Variants in ADARB2 observed in about 807,000 individuals in gnomAD.
ADARB2 encodes adenosine deaminase RNA specific B2 (inactive).
In ADARB2, 25 loss-of-function variants were observed where a neutral mutation model predicts 62.2. That is an observed-to-expected ratio of 0.40 (90% CI 0.29 to 0.56). The LOEUF (loss-of-function observed/expected upper bound fraction) is 0.56. ADARB2 is among the 20% of genes least tolerant of loss of function. ADARB2 has a pLI of 0.43. For missense variants in ADARB2, 1,071 were observed against 1,077.4 expected (o/e 0.99, Z 0.08); for synonymous variants, 572 against 500.8 (o/e 1.14, Z -1.90).
At chr10:1,365,863 T>C (rs1467171331) in intron 2 of ADARB2, among the ~76,000 whole-genome samples, 1 of 152,200 alleles carries the variant, frequency 6.6e-6, no homozygotes, top group Admixed American at 6.5e-5. Context: ...TGCCCAAGTT[T>C]CTATGGTTAG....
intron 1 of ADARB2, among the ~76,000 whole-genome samples, chr10:1,517,188 C>G (rs976287734): frequency 5.9e-5 from 9 of 151,928 alleles, no homozygotes; most frequent in African/African-American, 9.7e-5. Context: ...TTGCATCGTG[C>G]CTTCCTTTTT....
chr10:1,674,983 G>T (rs4880528), intron 1 of ADARB2: 19,741 of 921,168 alleles, frequency 0.021, 607 homozygotes, highest in Middle Eastern at 0.042. Flanking sequence ...TTTGGGTTTG[G>T]GGGGTACATG....
intron 1 of ADARB2, among the ~76,000 whole-genome samples, chr10:1,531,146 C>T (rs1046817053): frequency 2.6e-5 from 4 of 152,196 alleles, no homozygotes; most frequent in Non-Finnish European, 5.9e-5. Context: ...CCCATAGGTT[C>T]GCTGAGTGCC....
intron 1 of ADARB2, among the ~76,000 whole-genome samples, chr10:1,544,993 T>C (rs2131972486): frequency 8.2e-5 from 1 of 12,192 alleles, no homozygotes; most frequent in African/African-American, 1.3e-4. Flanking sequence ...ACAATGTCCC[T>C]TGCAGCAGGA....
intron 1 of ADARB2, among the ~76,000 whole-genome samples, chr10:1,654,328 C>G (rs147902532): frequency 6.6e-6 from 1 of 152,216 alleles, no homozygotes; most frequent in African/African-American, 2.4e-5. Flanking sequence ...GGTCTTAGCT[C>G]ACCCAAGGCT....
intron 1 of ADARB2, among the ~76,000 whole-genome samples, chr10:1,384,645 C>T (rs1240130974): frequency 2.0e-5 from 3 of 152,188 alleles, no homozygotes; most frequent in African/African-American, 7.2e-5. Flanking sequence ...CCCCACAGCT[C>T]CACAACTTCC....
intron 1 of ADARB2, among the ~76,000 whole-genome samples, chr10:1,630,292 A>T (rs1017730347): frequency 6.6e-6 from 1 of 152,104 alleles, no homozygotes; most frequent in Non-Finnish European, 1.5e-5. Context: ...AGAAGATGAC[A>T]CTCGTGCAGG....
chr10:1,602,312 A>C (rs1177691561), intron 1 of ADARB2, among the ~76,000 whole-genome samples: 1 of 151,944 alleles, frequency 6.6e-6, no homozygotes, highest in Non-Finnish European at 1.5e-5. Flanking sequence ...AGCCAGGTCC[A>C]CTCTGCTTTC....
At chr10:1,555,651 T>C (rs1386493753) in intron 1 of ADARB2, among the ~76,000 whole-genome samples, 4 of 152,108 alleles carry the variant, frequency 2.6e-5, no homozygotes, top group Admixed American at 2.6e-4. Flanking sequence ...AAAACATATA[T>C]GGGCCGGGCG....
chr10:1,375,749 G>A (rs74644847), intron 2 of ADARB2, among the ~76,000 whole-genome samples: 3,880 of 151,578 alleles, frequency 0.026, 98 homozygotes, highest in East Asian at 0.12. Flanking sequence ...AGATTCACAC[G>A]CCACACACAT....
At chr10:1,288,219 C>T (rs901083019) in intron 3 of ADARB2, among the ~76,000 whole-genome samples, 9 of 152,182 alleles carry the variant, frequency 5.9e-5, no homozygotes, top group African/African-American at 9.7e-5. Flanking sequence ...CCCTGTCCCT[C>T]GGGGAAAAGA....
intron 1 of ADARB2, among the ~76,000 whole-genome samples, chr10:1,413,503 T>C (rs1172900390): frequency 6.6e-6 from 1 of 152,140 alleles, no homozygotes; most frequent in African/African-American, 2.4e-5. Flanking sequence ...TACCATAAAT[T>C]ACAGCTGAAG....
chr10:1,196,851 C>T (rs1836918065), intron 8 of ADARB2, among the ~76,000 whole-genome samples: 1 of 152,172 alleles, frequency 6.6e-6, no homozygotes, highest in Non-Finnish European at 1.5e-5. Flanking sequence ...ATCCTCCCAC[C>T]TCAGCCTTCC....
chr10:1,660,764 C>T (rs1428145793), intron 1 of ADARB2, among the ~76,000 whole-genome samples: 1 of 152,218 alleles, frequency 6.6e-6, no homozygotes, highest in African/African-American at 2.4e-5. Flanking sequence ...TTGATCCGCA[C>T]TGTGTCAGTA....
chr10:1,261,806 G>A (rs887299626), intron 4 of ADARB2, among the ~76,000 whole-genome samples: 5 of 150,196 alleles, frequency 3.3e-5, no homozygotes, highest in African/African-American at 1.3e-4. Context: ...ATACCCAAAG[G>A]ACTATAAATC....
At chr10:1,529,663 T>C (rs1832195766) in intron 1 of ADARB2, among the ~76,000 whole-genome samples, 1 of 152,208 alleles carries the variant, frequency 6.6e-6, no homozygotes, top group Non-Finnish European at 1.5e-5. Context: ...TTGGAGCCCC[T>C]CTGCCCCTGC....
chr10:1,619,432 A>G (rs4880888), intron 1 of ADARB2, among the ~76,000 whole-genome samples: 76,817 of 152,044 alleles, frequency 0.51, 19,760 homozygotes, highest in East Asian at 0.64. Context: ...AACAAAAATA[A>G]GCACTTCATG....
intron 1 of ADARB2, among the ~76,000 whole-genome samples, chr10:1,679,783 G>T (rs548410808): frequency 6.6e-6 from 1 of 152,282 alleles, no homozygotes; most frequent in Non-Finnish European, 1.5e-5. Context: ...CGACTGGATC[G>T]CTTGGGCTCA....
chr10:1,495,080 T>C (rs1467974509), intron 1 of ADARB2, among the ~76,000 whole-genome samples: 7 of 152,266 alleles, frequency 4.6e-5, no homozygotes, highest in Non-Finnish European at 8.8e-5. Context: ...AGTTTGATTC[T>C]GGTTAAAATA....
Sources: allele counts gnomAD v4.1 joint callset (sites outside exome capture counted in the v4.1 genomes callset), GRCh38; gene constraint gnomAD v4.1.1; transcripts MANE v1.5; gene names NCBI Gene and HGNC (gene_info 2026-07-23, HGNC 2026-07-21).